Variants in SOX5 observed in about 807,000 individuals in gnomAD.
SOX5 encodes SRY-box transcription factor 5.
SOX5 carries 9 observed loss-of-function variants against 92.0 expected under a neutral mutation model. That is an observed-to-expected ratio of 0.10 (90% CI 0.06 to 0.17). The LOEUF (loss-of-function observed/expected upper bound fraction) is 0.17. Among genes scored for constraint, SOX5 ranks in the 10% least tolerant of loss-of-function variants. The pLI, the probability that SOX5 is intolerant of heterozygous loss-of-function variation, is 1.00. For missense variants in SOX5, 642 were observed against 944.5 expected (o/e 0.68, Z 4.20); for synonymous variants, 344 against 336.3 (o/e 1.02, Z -0.25).
intron 3 of SOX5, among the ~76,000 whole-genome samples, chr12:23,769,979 C>T (rs1272172814): frequency 2.0e-5 from 3 of 151,560 alleles, no homozygotes; most frequent in African/African-American, 7.3e-5. Flanking sequence ...GGTGTATTTT[C>T]CATTAAAGGC....
chr12:24,076,411 C>CA (rs978743760), intron 4 of SOX5, among the ~76,000 whole-genome samples: 1 of 151,982 alleles, frequency 6.6e-6, no homozygotes, highest in Non-Finnish European at 1.5e-5. Flanking sequence ...AGACTCTGAC[C>CA]AAAAAAATCC....
intron 12 of SOX5, among the ~76,000 whole-genome samples, chr12:23,544,235 G>A (rs1942694237): frequency 6.6e-6 from 1 of 152,162 alleles, no homozygotes; most frequent in Non-Finnish European, 1.5e-5. Context: ...AGCTTTGGAA[G>A]CTGCATTCAC....
chr12:23,769,035 CAGT>C (rs1018004719), intron 3 of SOX5, among the ~76,000 whole-genome samples: 1 of 152,078 alleles, frequency 6.6e-6, no homozygotes, highest in African/African-American at 2.4e-5. Context: ...TCCTATCATA[CAGT>C]AGGTATCAAT....
At chr12:23,810,567 C>A (rs935284182) in intron 3 of SOX5, among the ~76,000 whole-genome samples, 2 of 152,102 alleles carry the variant, frequency 1.3e-5, no homozygotes, top group African/African-American at 4.8e-5. Context: ...TAGGGCCATT[C>A]GACAAGGTAG....
At chr12:24,390,233 T>C (rs1229474954) in intron 1 of SOX5, among the ~76,000 whole-genome samples, 2 of 152,174 alleles carry the variant, frequency 1.3e-5, no homozygotes, top group Non-Finnish European at 2.9e-5. Flanking sequence ...ATTATGTGAA[T>C]TGACCAGGAT....
chr12:23,948,667 T>G (rs1945013321), intron 1 of SOX5, among the ~76,000 whole-genome samples: 2 of 152,016 alleles, frequency 1.3e-5, no homozygotes. Context: ...AACAAAATTC[T>G]ATTTATAGTT....
At chr12:24,461,400 T>C (rs1342893215) in intron 1 of SOX5, among the ~76,000 whole-genome samples, 1 of 152,270 alleles carries the variant, frequency 6.6e-6, no homozygotes, top group African/African-American at 2.4e-5. Flanking sequence ...AGGATGACAA[T>C]TGATATGAAG....
chr12:23,593,905 AGCAAAAAC>A (rs1951948686), intron 9 of SOX5, among the ~76,000 whole-genome samples: 1 of 152,114 alleles, frequency 6.6e-6, no homozygotes, highest in African/African-American at 2.4e-5. Context: ...CATATATGAA[AGCAAAAAC>A]CACACTAATC....
chr12:24,304,086 T>C (rs1948301096), intron 2 of SOX5, among the ~76,000 whole-genome samples: 1 of 152,144 alleles, frequency 6.6e-6, no homozygotes, highest in African/African-American at 2.4e-5. Flanking sequence ...AATGAATATC[T>C]TAAGAAAGGC....
At chr12:24,512,863 T>C (rs139456153) in intron 1 of SOX5, among the ~76,000 whole-genome samples, 22 of 152,302 alleles carry the variant, frequency 1.4e-4, no homozygotes, top group African/African-American at 5.3e-4. Flanking sequence ...GTTAACTTGA[T>C]AGAAAAAAAC....
intron 1 of SOX5, among the ~76,000 whole-genome samples, chr12:24,420,664 T>A (rs1288443796): frequency 2.0e-5 from 3 of 152,170 alleles, no homozygotes; most frequent in Admixed American, 6.5e-5. Context: ...GAGAAGTAAC[T>A]GTCTATTTAT....
chr12:23,844,318 T>A (rs2096551651), intron 3 of SOX5, among the ~76,000 whole-genome samples: 1 of 152,202 alleles, frequency 6.6e-6, no homozygotes, highest in African/African-American at 2.4e-5. Flanking sequence ...TTGTACCATC[T>A]TAAAGTTGAT....
rs1229919458 is a variant in SOX5, at chr12:24,325,327, GTTTA to G, written c.-174+43232_-174+43235del. 1.1e-4 allele frequency among the ~76,000 whole-genome samples: 17 copies of G among 152,214 alleles called. No individual in the cohort carries two copies. In the East Asian group the frequency reaches 1.2e-3, roughly 10 times the overall value. On this transcript the variant is annotated intron_variant, in intron 2 of 4. Coordinates refer to the SOX5 transcript ENST00000446891. ...AAAATTATGAGTGCAATCTTTTATA[GTTTA>G]TTTATGACAGATTTTAGTGCCTAAC... is the stretch of plus-strand genomic sequence containing the variant.
At chr12:23,760,461 T>C (rs920336458) in intron 3 of SOX5, among the ~76,000 whole-genome samples, 1 of 152,136 alleles carries the variant, frequency 6.6e-6, no homozygotes, top group Non-Finnish European at 1.5e-5. Context: ...AACACACTAA[T>C]ATTAAGATGA....
intron 1 of SOX5, among the ~76,000 whole-genome samples, chr12:24,425,069 A>G (rs1966553108): frequency 6.6e-6 from 1 of 152,162 alleles, no homozygotes; most frequent in Non-Finnish European, 1.5e-5. Flanking sequence ...AGAGCCATAC[A>G]TGCTATTACT....
chr12:24,558,972 T>C (rs1327508939), intron 1 of SOX5, among the ~76,000 whole-genome samples: 1 of 152,220 alleles, frequency 6.6e-6, no homozygotes, highest in African/African-American at 2.4e-5. Flanking sequence ...TTTTTTAAGA[T>C]AAACCAAAAT....
intron 4 of SOX5, among the ~76,000 whole-genome samples, chr12:23,977,663 CAAA>C (rs11287193): frequency 7.7e-6 from 1 of 129,540 alleles, no homozygotes. Flanking sequence ...CGTTCTGTCT[CAAA>C]AAAAAAAAAA....
Position 24,113,255 on chromosome 12 carries a change from TAAAAA to T in SOX5, c.-2+100083_-2+100087del, listed in dbSNP as rs10717747. ...ATACTTGCAAATATATGTAGAATCA[TAAAAA>T]AAAAAAAAAAAAAGAGCTAAAAGTG... On this transcript the variant is annotated intron_variant, in intron 4 of 4. Coordinates refer to the SOX5 transcript ENST00000446891. 4.4e-4 allele frequency among the ~76,000 whole-genome samples: 52 copies of T among 118,148 alleles called. No homozygotes were observed. In the South Asian group the frequency reaches 0.012, roughly 28 times the overall value. 77.5% of individuals were successfully genotyped at this position (118,148 alleles called of 152,430 possible). A position where few individuals can be genotyped will look rare whatever the true frequency, so the allele number is the denominator to read the frequency against.
chr12:24,007,037 G>A (rs1156251007), intron 4 of SOX5, among the ~76,000 whole-genome samples: 1 of 150,156 alleles, frequency 6.7e-6, no homozygotes, highest in South Asian at 2.1e-4. Flanking sequence ...GGAGGCTGAG[G>A]CAGGAGAACC....
Sources: allele counts gnomAD v4.1 joint callset (sites outside exome capture counted in the v4.1 genomes callset), GRCh38; gene constraint gnomAD v4.1.1; transcripts MANE v1.5; gene names NCBI Gene and HGNC (gene_info 2026-07-23, HGNC 2026-07-21).